The following PLEKHM2 variants were observed in gnomAD, a reference collection of about 807,000 sequenced individuals.
The protein encoded by PLEKHM2 is pleckstrin homology domain-containing family M member 2.
A neutral mutation model predicts 116.3 loss-of-function variants in PLEKHM2; 77 were observed. That is an observed-to-expected ratio of 0.66 (90% CI 0.55 to 0.80). The LOEUF (loss-of-function observed/expected upper bound fraction) is 0.80. PLEKHM2 is among the 30% of genes least tolerant of loss of function. The pLI, the probability that PLEKHM2 is intolerant of heterozygous loss-of-function variation, is 0.00. For missense variants in PLEKHM2, 1,183 were observed against 1,354.9 expected, an observed-to-expected ratio of 0.87 and a Z score of 1.99; for synonymous variants, 562 against 571.0, an observed-to-expected ratio of 0.98 and a Z score of 0.22.
intron 1 of PLEKHM2, among the ~76,000 whole-genome samples, chr1:15,713,883 C>T (rs533235422): frequency 6.6e-6 from 1 of 151,744 alleles, no homozygotes; most frequent in Non-Finnish European, 1.5e-5. Context: ...CGTGATCCGC[C>T]CACCTCGGCC....
chr1:15,732,795 A>G (rs1217573858), intron 19 of PLEKHM2, 67 bp downstream of exon 19: 1 of 1,063,034 alleles, frequency 9.4e-7, no homozygotes. Flanking sequence ...CCCCGGGGAG[A>G]GGAACCCCTG....
intron 1 of PLEKHM2, among the ~76,000 whole-genome samples, chr1:15,691,655 C>T (rs1022008893): frequency 8.5e-5 from 13 of 152,154 alleles, no homozygotes; most frequent in Non-Finnish European, 1.0e-4. Flanking sequence ...AGTCCCTAGT[C>T]GGGATCGGGA....
intron 1 of PLEKHM2, among the ~76,000 whole-genome samples, chr1:15,706,134 A>G (rs923624548): frequency 1.3e-5 from 2 of 152,132 alleles, no homozygotes; most frequent in Non-Finnish European, 2.9e-5. Context: ...CGAGTTATGT[A>G]CTTTCCTGTT....
chr1:15,720,128 T>TTATA lies in PLEKHM2; in HGVS notation c.652+227_652+230dup, dbSNP rs144815982. On this transcript the variant is annotated intron_variant, in intron 6 of 19. Transcript: ENST00000375799. ...GGATTCTGGGCACAAAAAGCTGAAATTATATATATATATATATATATAAAA... is the reference window on the plus strand; with the variant it reads ...GGATTCTGGGCACAAAAAGCTGAAATTATATATATATATATATATATATATAAAA... Among the ~76,000 whole-genome samples the TTATA allele has an allele frequency of 0.12, 13,727 of 115,698 alleles. 689 individuals carry two copies. The highest frequency in any genetic ancestry group is 0.19 in the African/African-American group (4,519 of 23,830). 75.9% of individuals were successfully genotyped at this position (115,698 alleles called of 152,430 possible). A position where few individuals can be genotyped will look rare whatever the true frequency, so the allele number is the denominator to read the frequency against.
In PLEKHM2 at chr1:15,725,838, C is replaced by A. The variant is rs183367783; in HGVS notation, c.941+293C>A. ...AGGTCAGGGTGCCGGTGTGGCCAGC[C>A]TCTGATGAGGGATTCACAGATGTCC... On this transcript the variant is annotated intron_variant, in intron 8 of 19. Coordinates refer to ENST00000375799, the MANE Select transcript of PLEKHM2 (RefSeq NM_015164.4). 1.9e-4 allele frequency: 88 copies of A among 452,268 alleles called. 3 individuals carry two copies. Among genetic ancestry groups the A allele is most frequent in the African/African-American group, 1.5e-3 (78 of 51,198 alleles). The allele number at this position is 452,268 out of a possible 1,614,324, so 28.0% of individuals were successfully genotyped here.
Position 15,725,315 on chromosome 1 carries a change from A to G in PLEKHM2, c.713-2A>G. 1 of 1,549,450 alleles carries G rather than the reference A, an allele frequency of 6.5e-7. No individual in the cohort carries two copies. The highest frequency in any genetic ancestry group is 1.2e-5 in the South Asian group (1 of 84,034). On this transcript the variant is annotated splice_acceptor_variant, in intron 7 of 19. Coordinates refer to ENST00000375799, the MANE Select transcript of PLEKHM2 (RefSeq NM_015164.4). LOFTEE classifies it high-confidence loss of function. Reference sequence around the variant, plus strand: ...GTGTCTCCTGCTTCCTTGTCCTCCCAGATGGAGACCTCACAGACACGGTCA... The same window carrying G: ...GTGTCTCCTGCTTCCTTGTCCTCCCGGATGGAGACCTCACAGACACGGTCA...
intron 1 of PLEKHM2, among the ~76,000 whole-genome samples, chr1:15,695,502 G>A (rs555690581): frequency 1.3e-5 from 2 of 152,060 alleles, no homozygotes; most frequent in South Asian, 2.1e-4. Flanking sequence ...CCATGATGTC[G>A]GGGCACTTTG....
Position 15,728,182 on chromosome 1 carries a change from C to T in PLEKHM2, c.1830+34C>T, listed in dbSNP as rs201605381. On this transcript the variant is annotated intron_variant, in intron 10 of 19. Transcript: ENST00000375799. The surrounding 1 kb of genome is among the most constrained non-coding windows in gnomAD (Gnocchi z 5.9). ...TAGGAACTCAGGAGTGAGCAAGAGA[C>T]GGCAAGGGCAAGGCGGGATGGGCCA... is the stretch of plus-strand genomic sequence containing the variant. 6.5e-5 allele frequency: 104 copies of T among 1,605,362 alleles called. No homozygotes were observed. In the Middle Eastern group the frequency reaches 8.3e-4, roughly 13 times the overall value.
chr1:15,730,004 G>A (rs1299394580), intron 14 of PLEKHM2, 75 bp downstream of exon 14: 3 of 1,210,016 alleles, frequency 2.5e-6, no homozygotes, highest in Non-Finnish European at 1.1e-6. Context: ...TGAGCGTTAA[G>A]GGATGCACGT....
intron 1 of PLEKHM2, among the ~76,000 whole-genome samples, chr1:15,705,880 C>T (rs568813143): frequency 2.8e-4 from 42 of 152,166 alleles, no homozygotes; most frequent in Admixed American, 6.5e-4. Context: ...TTGCTTGACC[C>T]AGGAGTTCAA....
chr1:15,713,722 G>A (rs1641382798), intron 1 of PLEKHM2, among the ~76,000 whole-genome samples: 1 of 151,530 alleles, frequency 6.6e-6, no homozygotes, highest in Non-Finnish European at 1.5e-5. Flanking sequence ...TGCAAGCTCC[G>A]CCTCCCGGGT....
intron 1 of PLEKHM2, 116 bp downstream of exon 1, chr1:15,684,734 G>A (rs1401350140): frequency 1.8e-5 from 6 of 331,754 alleles, no homozygotes; most frequent in Non-Finnish European, 2.3e-5. Flanking sequence ...CCCGGGGGGC[G>A]ACGAGCGGCC....
At chr1:15,724,912 G>T (rs888143657) in intron 7 of PLEKHM2, among the ~76,000 whole-genome samples, 11 of 152,134 alleles carry the variant, frequency 7.2e-5, no homozygotes, top group Non-Finnish European at 1.5e-4. Flanking sequence ...CGTCCTGGCA[G>T]GAAGGCTCTG....
At chr1:15,715,896 G>A (rs1317207322) in intron 1 of PLEKHM2, among the ~76,000 whole-genome samples, 1 of 152,238 alleles carries the variant, frequency 6.6e-6, no homozygotes, top group Admixed American at 6.5e-5. Context: ...ACTGTACATA[G>A]TGCCCCTGAA....
intron 19 of PLEKHM2, 30 bp from the exon 20 acceptor site, chr1:15,733,767 C>G (rs2068181452): frequency 6.2e-7 from 1 of 1,607,244 alleles, no homozygotes; most frequent in Non-Finnish European, 8.5e-7. Context: ...CTCAGTGGCC[C>G]TCATCTGTTC....
chr1:15,734,312 T>G lies in PLEKHM2; in HGVS notation c.*378T>G. The G allele has an allele frequency of 5.0e-6, 1 of 201,236 alleles. No individual in the cohort carries two copies. Among genetic ancestry groups the G allele is most frequent in the Non-Finnish European group, 1.0e-5 (1 of 99,836 alleles). The allele number at this position is 201,236 out of a possible 1,614,324, so 12.5% of individuals were successfully genotyped here. A position where few individuals can be genotyped will look rare whatever the true frequency, so the allele number is the denominator to read the frequency against. On this transcript the variant is annotated 3_prime_UTR_variant, in exon 20 of 20. Coordinates refer to ENST00000375799, the MANE Select transcript of PLEKHM2 (RefSeq NM_015164.4). Reference sequence around the variant, plus strand: ...GAACCAGGAGGGCGGGACCCCCCTCTTCCTCTCCTGGGTTGGGGGCTGGGG... The same window carrying G: ...GAACCAGGAGGGCGGGACCCCCCTCGTCCTCTCCTGGGTTGGGGGCTGGGG...
intron 1 of PLEKHM2, among the ~76,000 whole-genome samples, chr1:15,709,116 C>CT (rs1423765300): frequency 1.3e-5 from 2 of 152,192 alleles, no homozygotes; most frequent in Non-Finnish European, 2.9e-5. Flanking sequence ...AATCCACACT[C>CT]TTAACAGCTC....
chr1:15,716,473 C>A, intron 2 of PLEKHM2, 130 bp downstream of exon 2: 1 of 684,364 alleles, frequency 1.5e-6, no homozygotes, highest in Non-Finnish European at 2.5e-6. Context: ...TTGTCCCACT[C>A]AAGTGGGCCA....
intron 1 of PLEKHM2, among the ~76,000 whole-genome samples, chr1:15,686,648 A>ATTTTTTTTTTTTTTTTTTTTTT (rs1233033159): frequency 1.9e-4 from 26 of 134,210 alleles, no homozygotes; most frequent in African/African-American, 7.7e-4. Flanking sequence ...ACCCGGCTAA[A>ATTTTTTTTTTTTTTTTTTTTTT]TTTTTTTTTT....
Sources: allele counts gnomAD v4.1 joint callset (sites outside exome capture counted in the v4.1 genomes callset), GRCh38; gene constraint gnomAD v4.1.1; non-coding constraint Gnocchi (gnomAD v3.1); transcripts MANE v1.5; gene names NCBI Gene and HGNC (gene_info 2026-07-23, HGNC 2026-07-21).